Variants in MYO7B observed in about 807,000 individuals in gnomAD.
The protein encoded by MYO7B is unconventional myosin-VIIb.
In MYO7B, 212 loss-of-function variants were observed where a neutral mutation model predicts 259.7. That is an observed-to-expected ratio of 0.82 (90% CI 0.73 to 0.91). The LOEUF (loss-of-function observed/expected upper bound fraction) is 0.91. Among genes scored for constraint, MYO7B ranks in the 40% least tolerant of loss-of-function variants. The pLI is 0.00. For synonymous variants in MYO7B, 1,197 were observed against 1,166.4 expected, an observed-to-expected ratio of 1.03 and a Z score of -0.54; for missense variants, 2,732 against 2,813.5, an observed-to-expected ratio of 0.97 and a Z score of 0.66.
chr2:127,567,525 C>T (rs1008024613), intron 5 of MYO7B, among the ~76,000 whole-genome samples: 2 of 152,136 alleles, frequency 1.3e-5, no homozygotes, highest in African/African-American at 2.4e-5. Context: ...AGGCTGGCCA[C>T]GGGGATGGAA....
At chr2:127,623,124 G>A in intron 28 of MYO7B, 78 bp from the exon 29 acceptor site, 1 of 1,528,194 alleles carries the variant, frequency 6.5e-7, no homozygotes, top group Non-Finnish European at 8.9e-7. Flanking sequence ...GGGGAGAGGA[G>A]GGAGGTAGTG....
chr2:127,635,615 G>C, intron 43 of MYO7B, 107 bp from the exon 44 acceptor site: 1 of 1,234,728 alleles, frequency 8.1e-7, no homozygotes, highest in South Asian at 1.5e-5. Context: ...GTCCGTCCTG[G>C]ATGGAGTGGG....
rs774021588 is a variant in MYO7B, at chr2:127,633,366, G to C, written c.5511+3G>C. ...ACTTCCCCAATGACACCAGTGAGGT[G>C]AGGCCCTGCTCTGGTCTGCACGGCA... is the stretch of plus-strand genomic sequence containing the variant. On this transcript the variant is annotated splice_donor_region_variant and intron_variant, in intron 40 of 47. Coordinates refer to ENST00000409816, the MANE Select transcript of MYO7B (RefSeq NM_001393586.1). The C allele has an allele frequency of 3.1e-6, 5 of 1,612,474 alleles. No individual in the cohort carries two copies. The highest frequency in any genetic ancestry group is 3.4e-6 in the Non-Finnish European group (4 of 1,179,460).
At position 127,597,151 on chromosome 2, in the gene MYO7B, C is replaced by G. The variant is rs1206508947; in HGVS notation, c.2339+595C>G. Among the ~76,000 whole-genome samples the G allele has an allele frequency of 6.6e-6, 1 of 152,258 alleles. No individual in the cohort carries two copies. The highest frequency in any genetic ancestry group is 2.4e-5 in the African/African-American group (1 of 41,464). On this transcript the variant is annotated intron_variant, in intron 19 of 47. Coordinates refer to ENST00000409816, the MANE Select transcript of MYO7B (RefSeq NM_001393586.1). The surrounding 1 kb of genome is among the most constrained non-coding windows in gnomAD (Gnocchi z 4.8). ...CACAGCTAGAGAGGCAGCTGTGCTG[C>G]TGGGAAGCCGGAGGCCATCTCAGGG...
rs1679269349 is a variant in MYO7B at position 127,585,510 on chromosome 2, G to C, written c.1690+597G>C. Among the ~76,000 whole-genome samples the C allele has an allele frequency of 6.6e-6, 1 of 152,020 alleles. No homozygotes were observed. The highest frequency in any genetic ancestry group is 6.6e-5 in the Admixed American group (1 of 15,264). Reference sequence around the variant, plus strand: ...GACATTTGGGTTTTTTCCACTTTTTGCCTATTATGAATAACACAGCTATGA... The same window carrying C: ...GACATTTGGGTTTTTTCCACTTTTTCCCTATTATGAATAACACAGCTATGA... On this transcript the variant is annotated intron_variant, in intron 14 of 47. Coordinates refer to ENST00000409816, the MANE Select transcript of MYO7B (RefSeq NM_001393586.1). This position sits in a 1 kb window ranked among gnomAD's most constrained non-coding sequence, Gnocchi z 4.3.
In MYO7B at chr2:127,636,777, A is replaced by ACCCT. The variant is rs1197809520; in HGVS notation, c.6208-15_6208-12dup. ...TGCTCTGGAGGCGTCCGGCCCACCC[A>ACCCT]CCCTCTCTGCCCCCAGGACCTGCTC... is the stretch of plus-strand genomic sequence containing the variant. On this transcript the variant is annotated splice_polypyrimidine_tract_variant and intron_variant, in intron 46 of 47. Coordinates refer to ENST00000409816, the MANE Select transcript of MYO7B (RefSeq NM_001393586.1). This position sits in a 1 kb window ranked among gnomAD's most constrained non-coding sequence, Gnocchi z 4.5. 3.0e-6 allele frequency: 3 copies of ACCCT among 997,328 alleles called. No homozygotes were observed. The South Asian group carries it at 3.7e-5, about 12-fold the overall frequency. The allele number at this position is 997,328 out of a possible 1,614,324, so 61.8% of individuals were successfully genotyped here.
chr2:127,595,419 G>T (rs555690804), intron 18 of MYO7B, among the ~76,000 whole-genome samples: 2 of 152,068 alleles, frequency 1.3e-5, no homozygotes, highest in South Asian at 4.2e-4. Flanking sequence ...CAAAAAATCA[G>T]CTCCTGGATT....
chr2:127,635,859 G>C lies in MYO7B; in HGVS notation c.5958G>C (p.Leu1986=). The change falls in exon 44 of 48, where the codon CTG becomes CTC. Residue 1986 remains leucine, a synonymous_variant. Transcript: ENST00000409816. ...GTGTCCCCAAGATCCTGAGGGAACTGGTGCCTGAGAACCTCACACGCCTGA... is the reference window on the plus strand; with the variant it reads ...GTGTCCCCAAGATCCTGAGGGAACTCGTGCCTGAGAACCTCACACGCCTGA... The part of the protein sequence containing the change: ...LASVPKILRE[L]VPENLTRLMS... 2.5e-6 allele frequency: 4 copies of C among 1,583,574 alleles called. 1 individual carries two copies. The Middle Eastern group carries it at 5.0e-4, about 197-fold the overall frequency.
At chr2:127,593,525 A>G in intron 17 of MYO7B, 21 bp from the exon 18 acceptor site, 1 of 1,608,736 alleles carries the variant, frequency 6.2e-7, no homozygotes, top group Non-Finnish European at 8.5e-7. Flanking sequence ...TCCCACCGAT[A>G]CCCCCGTTTG....
intron 1 of MYO7B, among the ~76,000 whole-genome samples, chr2:127,540,055 C>A (rs901934672): frequency 4.6e-5 from 7 of 152,116 alleles, no homozygotes; most frequent in African/African-American, 1.7e-4. Flanking sequence ...GTACGTATAC[C>A]ACATTTTCTT....
chr2:127,542,902 C>A (rs568859734), intron 1 of MYO7B, among the ~76,000 whole-genome samples: 1 of 152,330 alleles, frequency 6.6e-6, no homozygotes, highest in South Asian at 2.1e-4. Flanking sequence ...TTAATGTGCA[C>A]ATACACAAAC....
Position 127,597,611 on chromosome 2 carries a change from ATATTTATT to A in MYO7B, c.2339+1089_2339+1096del, listed in dbSNP as rs36105119. ...TTCATCCAGGTTATTGCTTGCATTA[ATATTTATT>A]TATTTATTTATTTATTTATTTATTT... On this transcript the variant is annotated intron_variant, in intron 19 of 47. Coordinates refer to ENST00000409816, the MANE Select transcript of MYO7B (RefSeq NM_001393586.1). This position sits in a 1 kb window ranked among gnomAD's most constrained non-coding sequence, Gnocchi z 4.8. Among the ~76,000 whole-genome samples the A allele has an allele frequency of 0.043, 6,217 of 145,852 alleles. 226 individuals carry two copies. Among genetic ancestry groups the A allele is most frequent in the East Asian group, 0.16 (806 of 5,048 alleles).
intron 10 of MYO7B, among the ~76,000 whole-genome samples, chr2:127,581,577 G>T (rs756501352): frequency 6.6e-6 from 1 of 152,148 alleles, no homozygotes; most frequent in Non-Finnish European, 1.5e-5. Context: ...GCCTTCAGGC[G>T]GGACTGATTT....
Position 127,623,321 on chromosome 2 carries a change from G to A in MYO7B, c.3765G>A (p.Lys1255=). Residue 1255 remains lysine (K), a synonymous_variant, in exon 29 of 48, where the codon AAG becomes AAA. Transcript: ENST00000409816. ...AAATGTGCATGCACATCGCTCACAA[G>A]CAGGGCCTCAGCGACCACCTGGGCT... ...SREMCMHIAH[K]QGLSDHLGFS... is the part of the protein sequence containing the mutation. 6.2e-7 allele frequency: 1 copy of A among 1,611,992 alleles called. No homozygotes were observed. The highest frequency in any genetic ancestry group is 1.1e-5 in the South Asian group (1 of 90,960).
chr2:127,570,796 C>T lies in MYO7B; in HGVS notation c.592+886C>T, dbSNP rs545706925. ...CCCTGGCAACTACTGATTTGTCTTT[C>T]CCCCGCCCCCCTTCACAGTTTTGTC... On this transcript the variant is annotated intron_variant, in intron 6 of 47. Coordinates refer to ENST00000409816, the MANE Select transcript of MYO7B (RefSeq NM_001393586.1). Among the ~76,000 whole-genome samples the T allele has an allele frequency of 2.7e-5, 4 of 150,302 alleles. No homozygotes were observed. The East Asian group carries it at 7.8e-4, about 29-fold the overall frequency.
chr2:127,574,982 G>A (rs1678804287), intron 7 of MYO7B, among the ~76,000 whole-genome samples: 2 of 152,172 alleles, frequency 1.3e-5, no homozygotes, highest in Admixed American at 6.6e-5. Context: ...GCTCTCGTAT[G>A]ATGGCATAAC....
chr2:127,557,043 C>T (rs767034671), intron 1 of MYO7B, among the ~76,000 whole-genome samples: 1 of 152,210 alleles, frequency 6.6e-6, no homozygotes, highest in Non-Finnish European at 1.5e-5. Flanking sequence ...GGTTGTTTTA[C>T]ATAATCCCAA....
intron 19 of MYO7B, among the ~76,000 whole-genome samples, chr2:127,603,765 A>G (rs1287261189): frequency 1.3e-5 from 2 of 152,064 alleles, no homozygotes; most frequent in Non-Finnish European, 2.9e-5. Flanking sequence ...CAGGCACTGA[A>G]CTCTCTATAC....
intron 14 of MYO7B, among the ~76,000 whole-genome samples, chr2:127,588,050 C>T (rs1039857846): frequency 6.6e-6 from 1 of 152,230 alleles, no homozygotes; most frequent in African/African-American, 2.4e-5. Flanking sequence ...GACACTGCCC[C>T]TCTCCTATTT....
Sources: allele counts gnomAD v4.1 joint callset (sites outside exome capture counted in the v4.1 genomes callset), GRCh38; gene constraint gnomAD v4.1.1; non-coding constraint Gnocchi (gnomAD v3.1); transcripts MANE v1.5; gene names NCBI Gene and HGNC (gene_info 2026-07-23, HGNC 2026-07-21).